CUX1: variants seen among roughly 807,000 people sequenced by gnomAD.
The protein encoded by CUX1 is cut like homeobox 1, also known as protein CASP.
In CUX1, 31 loss-of-function variants were observed where a neutral mutation model predicts 158.8. The ratio of observed to expected loss-of-function variants is 0.20; its 90% CI spans 0.15 to 0.26. The LOEUF is 0.26. Ranked by LOEUF, CUX1 falls within the 10% of genes least tolerant of loss-of-function variation. The pLI is 1.00. For missense variants in CUX1, 1,589 were observed against 2,014.6 expected, an observed-to-expected ratio of 0.79 and a Z score of 4.04; for synonymous variants, 879 against 862.1, an observed-to-expected ratio of 1.02 and a Z score of -0.34.
Position 101,847,553 on chromosome 7 carries a change from G to A in CUX1, c.30+29884G>A, listed in dbSNP as rs117475163. Among the ~76,000 whole-genome samples, 1,486 of 152,230 alleles carry A rather than the reference G, an allele frequency of 9.8e-3. 9 individuals are homozygous for A. The highest frequency in any genetic ancestry group is 0.017 in the Non-Finnish European group (1,151 of 68,020). Reference sequence around the variant, plus strand: ...AGCCAGTGATAAAACTATTTACTGTGTAGAGGATTCTGTGAGACTCAACGT... The same window carrying A: ...AGCCAGTGATAAAACTATTTACTGTATAGAGGATTCTGTGAGACTCAACGT... On this transcript the variant is annotated intron_variant, in intron 1 of 23. Transcript: ENST00000292535.
At chr7:101,993,575 G>A (rs557832753) in intron 2 of CUX1, among the ~76,000 whole-genome samples, 11 of 152,282 alleles carry the variant, frequency 7.2e-5, no homozygotes, top group South Asian at 4.1e-4. Context: ...CACTCTGCGC[G>A]ACTGCTATTT....
chr7:102,197,055 C>T lies in CUX1; in HGVS notation c.1644C>T (p.Gly548=), dbSNP rs114193404. 375 of 1,614,170 alleles carry T rather than the reference C, an allele frequency of 2.3e-4. 4 individuals are homozygous for T. In the African/African-American group the frequency reaches 4.7e-3, roughly 20 times the overall value. The change falls in exon 15 of 24, where the codon GGC becomes GGT. Residue 548 remains glycine (G), a synonymous_variant. Transcript: ENST00000292535. ...QSESAGSVSE[G]EEMDTAEIAR... Reference sequence around the variant, plus strand: ...AAAGTGCTGGGAGCGTCTCCGAGGGCGAGGAGATGGACACTGCAGAAATCG... The same window carrying T: ...AAAGTGCTGGGAGCGTCTCCGAGGGTGAGGAGATGGACACTGCAGAAATCG...
intron 5 of CUX1, among the ~76,000 whole-genome samples, chr7:102,104,082 G>C (rs1554487559): frequency 6.6e-6 from 1 of 151,744 alleles, no homozygotes; most frequent in Admixed American, 6.6e-5. Flanking sequence ...TTCTTTAACT[G>C]GTACTACAGA....
At chr7:102,191,212 C>T (rs1418602612) in intron 12 of CUX1, among the ~76,000 whole-genome samples, 1 of 152,202 alleles carries the variant, frequency 6.6e-6, no homozygotes, top group Admixed American at 6.5e-5. Flanking sequence ...GTTCCAGCCT[C>T]TGTAACTTAC....
chr7:101,856,954 C>G (rs1201239834), intron 1 of CUX1, among the ~76,000 whole-genome samples: 1 of 152,240 alleles, frequency 6.6e-6, no homozygotes, highest in East Asian at 1.9e-4. Context: ...CGCCTCTGCT[C>G]AAGCTGTGCC....
At chr7:102,157,187 G>C (rs933893709) in intron 8 of CUX1, among the ~76,000 whole-genome samples, 4 of 152,078 alleles carry the variant, frequency 2.6e-5, no homozygotes, top group Admixed American at 6.6e-5. Flanking sequence ...GAAGGGCCTT[G>C]CGTGTGGCTG....
At chr7:102,227,168 TTTTTG>T (rs1798420885) in intron 20 of CUX1, among the ~76,000 whole-genome samples, 194 bp from the exon 21 acceptor site, 1 of 152,114 alleles carries the variant, frequency 6.6e-6, no homozygotes, top group African/African-American at 2.4e-5. Flanking sequence ...AATGATGTTA[TTTTTG>T]TTTTTTAATA....
chr7:102,141,843 GT>G (rs1834506269), intron 8 of CUX1, among the ~76,000 whole-genome samples: 1 of 116,730 alleles, frequency 8.6e-6, no homozygotes, highest in Non-Finnish European at 1.7e-5. Flanking sequence ...GTTTCTCCAT[GT>G]TGGTCAGGCT....
intron 20 of CUX1, among the ~76,000 whole-genome samples, chr7:102,223,423 CAA>C (rs1479352797): frequency 2.0e-5 from 3 of 151,992 alleles, no homozygotes; most frequent in African/African-American, 7.3e-5. Flanking sequence ...TTTATAGAAA[CAA>C]ATACATTTGA....
intron 1 of CUX1, among the ~76,000 whole-genome samples, chr7:101,908,143 C>T (rs922381787): frequency 1.7e-4 from 26 of 152,150 alleles, no homozygotes; most frequent in African/African-American, 6.0e-4. Context: ...TCTACAGAAC[C>T]TTGTGTAGGT....
intron 1 of CUX1, among the ~76,000 whole-genome samples, chr7:101,895,655 A>G (rs6960812): frequency 0.12 from 18,329 of 152,076 alleles, 1,211 homozygotes; most frequent in South Asian, 0.18. Flanking sequence ...AGGGGAAGAA[A>G]GATTTAAGAG....
intron 23 of CUX1, among the ~76,000 whole-genome samples, chr7:102,243,634 A>ATAATAG (rs1800462530): frequency 1.2e-5 from 1 of 85,698 alleles, no homozygotes; most frequent in Non-Finnish European, 2.2e-5. Context: ...TCTACAGAAA[A>ATAATAG]TAATAATAAT....
intron 2 of CUX1, among the ~76,000 whole-genome samples, chr7:101,967,970 C>T (rs1340998411): frequency 1.3e-5 from 2 of 152,026 alleles, no homozygotes. Flanking sequence ...GTAGTGTGAT[C>T]GTAGCTGCCT....
chr7:101,959,808 G>A (rs950936895), intron 2 of CUX1, among the ~76,000 whole-genome samples: 1 of 152,092 alleles, frequency 6.6e-6, no homozygotes, highest in Non-Finnish European at 1.5e-5. Flanking sequence ...GGATTTCACC[G>A]CGTACATATT....
intron 3 of CUX1, among the ~76,000 whole-genome samples, chr7:102,051,492 C>G (rs1011719407): frequency 2.0e-5 from 3 of 151,706 alleles, no homozygotes; most frequent in African/African-American, 7.3e-5. Context: ...TACCAAAATA[C>G]AGAAAATTAG....
intron 2 of CUX1, among the ~76,000 whole-genome samples, chr7:101,969,982 CAA>C (rs34167642): frequency 1.1e-4 from 6 of 55,664 alleles, no homozygotes; most frequent in African/African-American, 3.1e-4. Context: ...GAGTTAGCAC[CAA>C]AAAAAAAAAA....
At chr7:102,113,600 C>G (rs1257382665) in intron 7 of CUX1, among the ~76,000 whole-genome samples, 2 of 152,066 alleles carry the variant, frequency 1.3e-5, no homozygotes, top group Non-Finnish European at 2.9e-5. Flanking sequence ...CTCTGTCGCT[C>G]AGGTTGGAGA....
intron 2 of CUX1, among the ~76,000 whole-genome samples, chr7:101,978,411 C>G (rs943326275): frequency 6.6e-6 from 1 of 152,234 alleles, no homozygotes; most frequent in Non-Finnish European, 1.5e-5. Flanking sequence ...CCCGACATGC[C>G]TGGTCCACCA....
Position 102,196,796 on chromosome 7 carries a change from G to A in CUX1, c.1385G>A (p.Ser462Asn). Residue 462 changes from serine to asparagine, a missense_variant, in exon 15 of 24, where the codon AGC (serine) becomes AAC (asparagine). Ser to Asn is a conservative substitution (Grantham distance 46). Transcript: ENST00000292535. ...GCGGGGTTAAGTCAAGACTTTTTCA[G>A]CTCATCCCTGGCAAGCCCCAGCCTA... Reference protein sequence around the residue: ...SPAGLSQDFFSSSLASPSLPL... With the variant: ...SPAGLSQDFFNSSLASPSLPL... The A allele has an allele frequency of 2.5e-6, 4 of 1,614,102 alleles. No homozygotes were observed. Among genetic ancestry groups the A allele is most frequent in the Non-Finnish European group, 3.4e-6 (4 of 1,180,036 alleles).
Sources: gnomAD v4.1 joint callset for allele counts (sites outside exome capture counted in the v4.1 genomes callset) on GRCh38, gnomAD v4.1.1 for gene constraint, MANE v1.5 for transcripts, NCBI Gene and HGNC (gene_info 2026-07-23, HGNC 2026-07-21) for gene names.